Variants in ZNF804A observed in about 807,000 individuals in gnomAD.
ZNF804A encodes the protein zinc finger protein 804A.
ZNF804A carries 2 observed loss-of-function variants against 16.5 expected under a neutral mutation model. The observed-to-expected ratio is 0.12, with a 90% CI of 0.05 to 0.38. ZNF804A has a LOEUF of 0.38. Among genes scored for constraint, ZNF804A ranks in the 10% least tolerant of loss-of-function variants. The pLI, the probability that ZNF804A is intolerant of heterozygous loss-of-function variation, is 0.99. For synonymous variants in ZNF804A, 534 were observed against 489.6 expected (o/e 1.09, Z -1.20); for missense variants, 1,473 against 1,390.7 (o/e 1.06, Z -0.94).
intron 1 of ZNF804A, among the ~76,000 whole-genome samples, chr2:184,836,687 A>G (rs1460549379): frequency 6.7e-6 from 1 of 148,534 alleles, no homozygotes; most frequent in Non-Finnish European, 1.5e-5. Context: ...GTGTGTGTAT[A>G]TATATATATA....
At chr2:184,856,739 A>G (rs578093257) in intron 1 of ZNF804A, among the ~76,000 whole-genome samples, 19 of 152,164 alleles carry the variant, frequency 1.2e-4, no homozygotes, top group African/African-American at 4.6e-4. Flanking sequence ...ATATAAAATC[A>G]CCTTCAGGCC....
At chr2:184,917,358 C>A (rs1685464673) in intron 2 of ZNF804A, among the ~76,000 whole-genome samples, 1 of 152,060 alleles carries the variant, frequency 6.6e-6, no homozygotes, top group Admixed American at 6.6e-5. Context: ...TCCTTAATAT[C>A]CTGTAACTTA....
intron 1 of ZNF804A, among the ~76,000 whole-genome samples, chr2:184,824,114 G>T (rs1695125714): frequency 1.3e-5 from 2 of 152,054 alleles, no homozygotes. Context: ...CTCACTCTGT[G>T]GCTGTCCTCT....
intron 1 of ZNF804A, among the ~76,000 whole-genome samples, chr2:184,751,788 A>G (rs1693881221): frequency 6.6e-6 from 1 of 151,770 alleles, no homozygotes; most frequent in African/African-American, 2.4e-5. Context: ...CAAGAAAGAT[A>G]CAAACAACCA....
chr2:184,640,886 A>C (rs1275295301), intron 1 of ZNF804A, among the ~76,000 whole-genome samples: 3 of 152,172 alleles, frequency 2.0e-5, no homozygotes, highest in Non-Finnish European at 2.9e-5. Context: ...GAAAAGACTG[A>C]CTTATTTCTT....
intron 1 of ZNF804A, among the ~76,000 whole-genome samples, chr2:184,861,576 G>T (rs1695800179): frequency 6.6e-6 from 1 of 152,116 alleles, no homozygotes; most frequent in Admixed American, 6.6e-5. Flanking sequence ...AAAAGCTCTG[G>T]AAATACAACA....
intron 1 of ZNF804A, among the ~76,000 whole-genome samples, chr2:184,752,643 T>G (rs1313457006): frequency 6.6e-6 from 1 of 151,548 alleles, no homozygotes; most frequent in Non-Finnish European, 1.5e-5. Context: ...GTATTTTACA[T>G]AAAGGCAACA....
intron 1 of ZNF804A, among the ~76,000 whole-genome samples, chr2:184,751,992 A>G (rs1452710184): frequency 6.6e-6 from 1 of 151,644 alleles, no homozygotes; most frequent in East Asian, 1.9e-4. Flanking sequence ...AGATGTTGTC[A>G]TGGATGCAGA....
Position 184,937,363 on chromosome 2 carries a change from T to C in ZNF804A, c.1967T>C (p.Leu656Pro). The C allele has an allele frequency of 1.2e-6, 2 of 1,613,680 alleles. No homozygotes were observed. The highest frequency in any genetic ancestry group is 1.1e-5 in the South Asian group (1 of 91,054). ...CAATTATTAGACTCACATCAGTTACTTGATAAAAGGCCCAAATCAGAATCC... is the reference window on the plus strand; with the variant it reads ...CAATTATTAGACTCACATCAGTTACCTGATAAAAGGCCCAAATCAGAATCC... ...AEQLLDSHQL[L>P]DKRPKSESIS... The change falls in exon 4 of 4, where the codon CTT (leucine) becomes CCT (proline). Residue 656 changes from leucine to proline, a missense_variant. Coordinates refer to ENST00000302277, the MANE Select transcript of ZNF804A (RefSeq NM_194250.2).
At chr2:184,823,999 T>C (rs1695123868) in intron 1 of ZNF804A, among the ~76,000 whole-genome samples, 1 of 152,162 alleles carries the variant, frequency 6.6e-6, no homozygotes, top group Admixed American at 6.6e-5. Context: ...TAATAGTAAA[T>C]GTTTCTTTAT....
chr2:184,750,598 G>A (rs942951260), intron 1 of ZNF804A, among the ~76,000 whole-genome samples: 2 of 151,274 alleles, frequency 1.3e-5, no homozygotes, highest in Admixed American at 6.6e-5. Flanking sequence ...CTGTAAAAAT[G>A]TCACCACAAT....
Position 184,917,376 on chromosome 2 carries a change from T to G in ZNF804A, c.256-16227T>G, listed in dbSNP as rs1243184685. On this transcript the variant is annotated intron_variant, in intron 2 of 3. Coordinates refer to ENST00000302277, the MANE Select transcript of ZNF804A (RefSeq NM_194250.2). ...TTAATATCCTGTAACTTAAATACTA[T>G]GATGTAAAATTAACAATACTTAGAT... Among the ~76,000 whole-genome samples the G allele has an allele frequency of 2.0e-5, 3 of 152,270 alleles. No individual in the cohort carries two copies. In the East Asian group the frequency reaches 5.8e-4, roughly 29 times the overall value.
intron 1 of ZNF804A, among the ~76,000 whole-genome samples, chr2:184,720,502 C>T (rs1408503987): frequency 1.3e-5 from 2 of 151,982 alleles, no homozygotes; most frequent in East Asian, 3.9e-4. Flanking sequence ...GGCAATCTCA[C>T]TTATACTAAC....
At chr2:184,774,930 T>TC (rs1694264807) in intron 1 of ZNF804A, among the ~76,000 whole-genome samples, 1 of 151,602 alleles carries the variant, frequency 6.6e-6, no homozygotes. Context: ...CTTTTTTTTT[T>TC]CTTAATGCTG....
intron 2 of ZNF804A, among the ~76,000 whole-genome samples, chr2:184,904,725 T>C (rs957033287): frequency 3.3e-5 from 5 of 152,194 alleles, no homozygotes; most frequent in African/African-American, 1.2e-4. Context: ...ACTCCTGTTA[T>C]ATAATCAAGA....
chr2:184,834,740 A>G (rs966472180), intron 1 of ZNF804A, among the ~76,000 whole-genome samples: 6 of 152,254 alleles, frequency 3.9e-5, no homozygotes, highest in African/African-American at 1.2e-4. Flanking sequence ...ATCTATCACC[A>G]TAGAATATTT....
chr2:184,898,633 C>T (rs1281876676), intron 2 of ZNF804A, among the ~76,000 whole-genome samples: 2 of 151,916 alleles, frequency 1.3e-5, no homozygotes, highest in Non-Finnish European at 2.9e-5. Context: ...TTATATTTTA[C>T]CTTTCTCTAG....
At chr2:184,618,686 A>C (rs958773874) in intron 1 of ZNF804A, among the ~76,000 whole-genome samples, 38 of 152,142 alleles carry the variant, frequency 2.5e-4, no homozygotes, top group African/African-American at 8.2e-4. Context: ...CCTAGTTCTG[A>C]AACCTTCTAT....
chr2:184,707,161 T>C (rs1201646372), intron 1 of ZNF804A, among the ~76,000 whole-genome samples: 1 of 151,848 alleles, frequency 6.6e-6, no homozygotes, highest in Admixed American at 6.6e-5. Context: ...AACGTTAACT[T>C]TTTTTTTAGA....
Sources: allele counts gnomAD v4.1 joint callset (sites outside exome capture counted in the v4.1 genomes callset), GRCh38; gene constraint gnomAD v4.1.1; transcripts MANE v1.5; gene names NCBI Gene and HGNC (gene_info 2026-07-23, HGNC 2026-07-21).